The following THRAP3 variants were observed in gnomAD, a reference collection of about 807,000 sequenced individuals.
The protein encoded by THRAP3 is thyroid hormone receptor-associated protein 3.
A neutral mutation model predicts 101.0 loss-of-function variants in THRAP3; 16 were observed. The ratio of observed to expected loss-of-function variants is 0.16; its 90% CI spans 0.11 to 0.24. The LOEUF is 0.24. Ranked by LOEUF, THRAP3 falls within the 10% of genes least tolerant of loss-of-function variation. The pLI is 1.00. For synonymous variants in THRAP3, 407 were observed against 422.6 expected (o/e 0.96, Z 0.45); for missense variants, 989 against 1,202.7 (o/e 0.82, Z 2.63).
chr1:36,257,134 ACAGT>A (rs1246772153), intron 1 of THRAP3, among the ~76,000 whole-genome samples: 1 of 152,020 alleles, frequency 6.6e-6, no homozygotes, highest in Non-Finnish European at 1.5e-5. Flanking sequence ...TCTTCCTCAG[ACAGT>A]CAGGCATGTT....
chr1:36,282,089 T>TAAA (rs1294488397), intron 2 of THRAP3, among the ~76,000 whole-genome samples: 3 of 148,740 alleles, frequency 2.0e-5, no homozygotes, highest in Non-Finnish European at 3.0e-5. Context: ...AAAAAAAAAT[T>TAAA]TTTTTTTTAA....
At chr1:36,226,247 GA>G (rs1324922207) in intron 1 of THRAP3, among the ~76,000 whole-genome samples, 5 of 152,228 alleles carry the variant, frequency 3.3e-5, no homozygotes, top group South Asian at 2.1e-4. Flanking sequence ...AGGGTACACA[GA>G]CATACGATTT....
rs56794410 is a variant in THRAP3, at chr1:36,295,223, C to CA, written c.2115+1300dup. 1.5e-4 allele frequency among the ~76,000 whole-genome samples: 18 copies of CA among 118,776 alleles called. 1 individual carries two copies. The highest frequency in any genetic ancestry group is 2.3e-4 in the Non-Finnish European group (13 of 56,788). The allele number at this position is 118,776 out of a possible 152,430, so 77.9% of individuals were successfully genotyped here. On this transcript the variant is annotated intron_variant, in intron 8 of 11. Coordinates refer to ENST00000354618, the MANE Select transcript of THRAP3 (RefSeq NM_005119.4). ...GGGCAACAAGAGTGAAACTCTGTCT[C>CA]AAAAAAAAAAAAGGAAAAAAAAAAA...
chr1:36,280,127 A>G (rs1362335600), intron 2 of THRAP3, among the ~76,000 whole-genome samples: 1 of 152,202 alleles, frequency 6.6e-6, no homozygotes, highest in African/African-American at 2.4e-5. Context: ...TGAATGAATT[A>G]ATGAATGAGC....
In THRAP3 at chr1:36,286,220, T is replaced by C. The variant is rs1215634348; in HGVS notation, c.138-148T>C. 3.0e-5 allele frequency: 21 copies of C among 710,774 alleles called. No homozygotes were observed. In the Admixed American group the frequency reaches 6.0e-4, roughly 20 times the overall value. The allele number at this position is 710,774 out of a possible 1,614,324, so 44.0% of individuals were successfully genotyped here. ...TTTTGTACTTAGTAAGGGCCATACG[T>C]AGTGGGATTAAATATTTGTGCCCTT... is the stretch of plus-strand genomic sequence containing the variant. On this transcript the variant is annotated intron_variant, in intron 3 of 11. Coordinates refer to ENST00000354618, the MANE Select transcript of THRAP3 (RefSeq NM_005119.4). The surrounding 1 kb of genome is among the most constrained non-coding windows in gnomAD (Gnocchi z 5.5).
chr1:36,282,723 A>G (rs1645749453), intron 3 of THRAP3, 23 bp downstream of exon 3: 1 of 1,613,276 alleles, frequency 6.2e-7, no homozygotes, highest in South Asian at 1.1e-5. Flanking sequence ...GACTTTGTAT[A>G]TTGAGATAAT....
chr1:36,251,757 T>A (rs1355153331), intron 1 of THRAP3, among the ~76,000 whole-genome samples: 2 of 152,238 alleles, frequency 1.3e-5, no homozygotes, highest in African/African-American at 4.8e-5. Context: ...AGTACTCCTT[T>A]GTGCCAAGCA....
At chr1:36,250,809 C>A (rs1020169168) in intron 1 of THRAP3, among the ~76,000 whole-genome samples, 3 of 152,016 alleles carry the variant, frequency 2.0e-5, no homozygotes, top group African/African-American at 7.2e-5. Context: ...TCTATTGGCG[C>A]AATCTCAGCT....
intron 5 of THRAP3, among the ~76,000 whole-genome samples, chr1:36,290,576 C>T (rs1410472252): frequency 6.6e-6 from 1 of 152,192 alleles, no homozygotes; most frequent in African/African-American, 2.4e-5. Flanking sequence ...AGCGATTCTC[C>T]TGCCTTAGCC....
intron 1 of THRAP3, among the ~76,000 whole-genome samples, chr1:36,251,529 G>T (rs1306642212): frequency 6.6e-6 from 1 of 152,190 alleles, no homozygotes; most frequent in East Asian, 1.9e-4. Flanking sequence ...CTGGAATTAG[G>T]CATAGGCTTG....
intron 2 of THRAP3, among the ~76,000 whole-genome samples, chr1:36,278,894 G>T (rs886955977): frequency 1.3e-4 from 20 of 151,756 alleles, no homozygotes; most frequent in Non-Finnish European, 2.9e-4. Flanking sequence ...TTGCACTCTA[G>T]CCTGAGCAAC....
Position 36,289,235 on chromosome 1 carries a change from A to G in THRAP3, c.1216A>G (p.Ser406Gly). Residue 406 changes from serine (S) to glycine (G), a missense_variant, in exon 5 of 12, where the codon AGT becomes GGT. Coordinates refer to ENST00000354618, the MANE Select transcript of THRAP3 (RefSeq NM_005119.4). ...KTDSEKPFRG[S>G]QSPKRYKLRD... The stretch of plus-strand genomic sequence containing the variant: ...TGATTCTGAGAAGCCTTTTCGGGGC[A>G]GTCAGTCTCCCAAAAGGTATAAGCT... The G allele has an allele frequency of 6.2e-7, 1 of 1,614,160 alleles. No homozygotes were observed.
chr1:36,224,017 A>G (rs1430306055), upstream of THRAP3, among the ~76,000 whole-genome samples: 5 of 152,200 alleles, frequency 3.3e-5, no homozygotes, highest in Non-Finnish European at 2.9e-5. Flanking sequence ...CAAGGTCACA[A>G]AGCGGAAGGG....
intron 1 of THRAP3, among the ~76,000 whole-genome samples, chr1:36,255,871 G>A (rs966400766): frequency 3.9e-5 from 6 of 152,086 alleles, no homozygotes; most frequent in African/African-American, 1.2e-4. Context: ...GATACAAATG[G>A]TATGGTCCTA....
intron 2 of THRAP3, among the ~76,000 whole-genome samples, chr1:36,275,740 G>A (rs1645651589): frequency 6.6e-6 from 1 of 151,930 alleles, no homozygotes; most frequent in Non-Finnish European, 1.5e-5. Flanking sequence ...AACAAAGTTG[G>A]ACTAGGTGTG....
chr1:36,275,602 A>AAAGG (rs747456544), intron 2 of THRAP3, among the ~76,000 whole-genome samples: 4 of 126,984 alleles, frequency 3.1e-5, no homozygotes, highest in African/African-American at 1.2e-4. Flanking sequence ...AAAAAAAAAA[A>AAAGG]AAGTCTTCTT....
the THRAP3 span, among the ~76,000 whole-genome samples, chr1:36,214,007 AAAG>A: frequency 5.0e-5 from 3 of 60,386 alleles, no homozygotes; most frequent in African/African-American, 2.0e-4. Context: ...GGAAAGAAAG[AAAG>A]AAAGAAAGAA....
intron 1 of THRAP3, among the ~76,000 whole-genome samples, chr1:36,245,012 G>A (rs1046164586): frequency 1.3e-5 from 2 of 151,952 alleles, no homozygotes; most frequent in African/African-American, 4.8e-5. Flanking sequence ...GAGCCACCAC[G>A]CCTGGCCAGA....
At chr1:36,252,947 TATATATATATATATA>T (rs1369088356) in intron 1 of THRAP3, among the ~76,000 whole-genome samples, 1 of 115,492 alleles carries the variant, frequency 8.7e-6, no homozygotes, top group East Asian at 2.1e-4. Flanking sequence ...TATATATATA[TATATATATATATATA>T]TATATATAAA....
Sources: allele counts gnomAD v4.1 joint callset (sites outside exome capture counted in the v4.1 genomes callset), GRCh38; gene constraint gnomAD v4.1.1; non-coding constraint Gnocchi (gnomAD v3.1); transcripts MANE v1.5; gene names NCBI Gene and HGNC (gene_info 2026-07-23, HGNC 2026-07-21).